Variants in FRAS1 observed in about 807,000 individuals in gnomAD.
The protein encoded by FRAS1 is extracellular matrix organizing protein FRAS1.
Under a neutral mutation model 435.2 loss-of-function variants are expected in FRAS1, and 290 were observed. The ratio of observed to expected loss-of-function variants is 0.67; its 90% CI spans 0.61 to 0.73. FRAS1 has a LOEUF of 0.73. Ranked by LOEUF, FRAS1 falls within the 30% of genes least tolerant of loss-of-function variation. The pLI, the probability that FRAS1 is intolerant of heterozygous loss-of-function variation, is 0.00. For missense variants in FRAS1, 4,860 were observed against 5,001.5 expected, an observed-to-expected ratio of 0.97 and a Z score of 0.85; for synonymous variants, 1,800 against 1,851.0, an observed-to-expected ratio of 0.97 and a Z score of 0.71.
At chr4:78,486,546 C>A (rs968870897) in intron 58 of FRAS1, among the ~76,000 whole-genome samples, 3 of 152,142 alleles carry the variant, frequency 2.0e-5, no homozygotes, top group Non-Finnish European at 4.4e-5. Flanking sequence ...GCCCTGCAGT[C>A]AGGGGAAGTT....
intron 54 of FRAS1, among the ~76,000 whole-genome samples, chr4:78,476,725 T>C (rs1187886964): frequency 3.3e-5 from 5 of 152,208 alleles, no homozygotes; most frequent in Non-Finnish European, 7.4e-5. Context: ...AAAGATCTGT[T>C]GAGTGTTTCA....
At chr4:78,235,723 C>A (rs1367596997) in intron 2 of FRAS1, among the ~76,000 whole-genome samples, 1 of 152,198 alleles carries the variant, frequency 6.6e-6, no homozygotes, top group Non-Finnish European at 1.5e-5. Context: ...CTAAGGCAGG[C>A]AGATTGCTTA....
intron 2 of FRAS1, among the ~76,000 whole-genome samples, chr4:78,089,380 G>A (rs1741383487): frequency 6.6e-6 from 1 of 151,928 alleles, no homozygotes; most frequent in Admixed American, 6.6e-5. Flanking sequence ...GTATACATAT[G>A]TAACAAACCT....
At chr4:78,540,406 C>T in intron 73 of FRAS1, 125 bp from the exon 74 acceptor site, 2 of 541,124 alleles carry the variant, frequency 3.7e-6, no homozygotes, top group Non-Finnish European at 6.4e-6. Context: ...AGACACCAAC[C>T]ATTGCTAATG....
At position 78,317,377 on chromosome 4, in the gene FRAS1, A is replaced by G. The variant is rs769088550; in HGVS notation, c.1829A>G (p.Asn610Ser). ...DATGRCKVCH[N>S]SCASCSGPTP... ...TCACTCTCTTCCTCAGTTTGTCATA[A>G]CTCATGTGCCAGCTGCTCTGGGCCC... Residue 610 changes from asparagine (N) to serine (S), a missense_variant, in exon 17 of 74, where the codon AAC becomes AGC. Physicochemically the swap from Asn to Ser is conservative, Grantham distance 46. Coordinates refer to ENST00000512123, the MANE Select transcript of FRAS1 (RefSeq NM_025074.7). The G allele has an allele frequency of 6.2e-7, 1 of 1,613,592 alleles. No homozygotes were observed. The highest frequency in any genetic ancestry group is 1.1e-5 in the South Asian group (1 of 91,046).
chr4:78,215,197 T>C (rs1361298699), intron 2 of FRAS1, among the ~76,000 whole-genome samples: 10 of 151,902 alleles, frequency 6.6e-5, no homozygotes, highest in Non-Finnish European at 1.3e-4. Flanking sequence ...TTATTATTAT[T>C]ATTATTATTA....
At chr4:78,232,468 G>T (rs1434409677) in intron 2 of FRAS1, among the ~76,000 whole-genome samples, 2 of 151,982 alleles carry the variant, frequency 1.3e-5, no homozygotes, top group Non-Finnish European at 2.9e-5. Context: ...TGTGTTTTTA[G>T]TAGAGACAGG....
At chr4:78,065,596 C>T (rs574825067) in intron 1 of FRAS1, among the ~76,000 whole-genome samples, 13 of 152,208 alleles carry the variant, frequency 8.5e-5, no homozygotes, top group African/African-American at 3.1e-4. Flanking sequence ...CTAAGTTGGC[C>T]TCTTGGGTTG....
chr4:78,210,027 A>T (rs2866996), intron 2 of FRAS1, among the ~76,000 whole-genome samples: 4 of 151,812 alleles, frequency 2.6e-5, no homozygotes, highest in African/African-American at 9.7e-5. Flanking sequence ...GCCTCTGCTG[A>T]GCTCCTTACC....
chr4:78,518,450 A>T (rs1024837269), intron 66 of FRAS1, among the ~76,000 whole-genome samples: 3,023 of 69,274 alleles, frequency 0.044, 130 homozygotes, highest in African/African-American at 0.11. Flanking sequence ...ATATATATAT[A>T]TATTTATTTA....
At chr4:78,508,285 A>T (rs1379609798) in intron 62 of FRAS1, among the ~76,000 whole-genome samples, 2 of 152,198 alleles carry the variant, frequency 1.3e-5, no homozygotes, top group Non-Finnish European at 2.9e-5. Context: ...GAAAAGAATG[A>T]TGATTATTTC....
intron 64 of FRAS1, among the ~76,000 whole-genome samples, chr4:78,512,722 T>C (rs1721078827): frequency 6.6e-6 from 1 of 152,166 alleles, no homozygotes; most frequent in African/African-American, 2.4e-5. Context: ...AGTTACAGAT[T>C]TCCTGGTCCA....
chr4:78,324,031 G>A (rs542476650), intron 18 of FRAS1, among the ~76,000 whole-genome samples: 1 of 152,106 alleles, frequency 6.6e-6, no homozygotes, highest in South Asian at 2.1e-4. Flanking sequence ...CTGGACCACA[G>A]TTTGGAGAAG....
chr4:78,459,526 C>T (rs1719306330), intron 47 of FRAS1, among the ~76,000 whole-genome samples: 1 of 152,242 alleles, frequency 6.6e-6, no homozygotes, highest in South Asian at 2.1e-4. Context: ...GATGCTTTAG[C>T]AATGGTGTTA....
intron 5 of FRAS1, among the ~76,000 whole-genome samples, chr4:78,253,225 T>C (rs1725630126): frequency 6.6e-6 from 1 of 152,198 alleles, no homozygotes; most frequent in Non-Finnish European, 1.5e-5. Context: ...AAAATATGGC[T>C]CTATTCTACC....
intron 34 of FRAS1, among the ~76,000 whole-genome samples, chr4:78,423,837 C>G (rs577455345): frequency 6.6e-6 from 1 of 152,212 alleles, no homozygotes; most frequent in East Asian, 1.9e-4. Flanking sequence ...CACAGGATAT[C>G]CTGGGATTAG....
intron 26 of FRAS1, among the ~76,000 whole-genome samples, chr4:78,376,131 T>C (rs1731751881): frequency 6.6e-6 from 1 of 152,160 alleles, no homozygotes; most frequent in African/African-American, 2.4e-5. Context: ...GATAAGAAAT[T>C]GGCATAAAAC....
Position 78,284,405 on chromosome 4 carries a change from T to G in FRAS1, c.1256T>G (p.Val419Gly). Residue 419 changes from valine to glycine, a missense_variant and splice_region_variant, in exon 13 of 74, where the codon GTT becomes GGT. Val to Gly is a moderately radical substitution (Grantham distance 109, BLOSUM62 -3). Coordinates refer to ENST00000512123, the MANE Select transcript of FRAS1 (RefSeq NM_025074.7). Reference protein sequence around the residue: ...KGQCCPDCTSVHCHPDCLTCS... With the variant: ...KGQCCPDCTSGHCHPDCLTCS... ...TCCCCTTCTTTGTCCTTGATTTCAG[T>G]TCATTGCCATCCAGATTGTTTGACA... The G allele has an allele frequency of 6.2e-7, 1 of 1,613,884 alleles. No homozygotes were observed. Among genetic ancestry groups the G allele is most frequent in the Middle Eastern group, 1.6e-4 (1 of 6,062 alleles).
chr4:78,290,850 C>A (rs1444901188), intron 14 of FRAS1, among the ~76,000 whole-genome samples: 4 of 133,514 alleles, frequency 3.0e-5, no homozygotes, highest in African/African-American at 1.1e-4. Context: ...TTGTCACGAT[C>A]TTGGCTCCTG....
Sources: allele counts gnomAD v4.1 joint callset (sites outside exome capture counted in the v4.1 genomes callset), GRCh38; gene constraint gnomAD v4.1.1; transcripts MANE v1.5; gene names NCBI Gene and HGNC (gene_info 2026-07-23, HGNC 2026-07-21).